TYRO3: variants seen among roughly 807,000 people sequenced by gnomAD.
The protein encoded by TYRO3 is tyrosine-protein kinase receptor TYRO3.
A neutral mutation model predicts 95.2 loss-of-function variants in TYRO3; 38 were observed. The ratio of observed to expected loss-of-function variants is 0.40; its 90% CI spans 0.31 to 0.52. TYRO3 has a LOEUF of 0.52. Ranked by LOEUF, TYRO3 falls within the 20% of genes least tolerant of loss-of-function variation. The pLI, the probability that TYRO3 is intolerant of heterozygous loss-of-function variation, is 0.56. For missense variants in TYRO3, 812 were observed against 1,116.4 expected, an observed-to-expected ratio of 0.73 and a Z score of 3.89; for synonymous variants, 367 against 432.9, an observed-to-expected ratio of 0.85 and a Z score of 1.89.
At chr15:41,569,626 G>A (rs755394973) in intron 9 of TYRO3, among the ~76,000 whole-genome samples, 27 of 151,528 alleles carry the variant, frequency 1.8e-4, no homozygotes, top group Non-Finnish European at 3.2e-4. Context: ...AATTAGTCAG[G>A]TGTGATGTTG....
intron 8 of TYRO3, among the ~76,000 whole-genome samples, 174 bp from the exon 9 acceptor site, chr15:41,568,704 T>C (rs750515152): frequency 3.3e-5 from 5 of 152,130 alleles, no homozygotes; most frequent in Non-Finnish European, 7.4e-5. Flanking sequence ...GAGAGGCCCC[T>C]GCAGCCGGGA....
rs769504685 is a variant in TYRO3 at position 41,572,538 on chromosome 15, G to A, written c.1849G>A (p.Ala617Thr). 1.8e-5 allele frequency: 29 copies of A among 1,614,086 alleles called. No individual in the cohort carries two copies. The highest frequency in any genetic ancestry group is 9.3e-5 in the African/African-American group (7 of 74,930). Residue 617 changes from alanine (A) to threonine (T), a missense_variant, in exon 15 of 19, where the codon GCC becomes ACC. Physicochemically the swap from Ala to Thr is moderately conservative, Grantham distance 58. Transcript: ENST00000263798. ...KHGDLHAFLL[A>T]SRIGENPFNL... ...TGGGGACCTGCATGCCTTCCTGCTC[G>A]CCTCCCGGATTGGGGAGAACCCCTT...
intron 14 of TYRO3, among the ~76,000 whole-genome samples, chr15:41,572,177 C>T (rs2055805083): frequency 6.6e-6 from 1 of 152,028 alleles, no homozygotes; most frequent in Admixed American, 6.6e-5. Context: ...GCCTAGATGA[C>T]AGAGCAAGAT....
Position 41,572,544 on chromosome 15 carries a change from C to T in TYRO3, c.1855C>T (p.Arg619Trp), listed in dbSNP as rs774870018. ...CCTGCATGCCTTCCTGCTCGCCTCCCGGATTGGGGAGAACCCCTTTGTGAG... is the reference window on the plus strand; with the variant it reads ...CCTGCATGCCTTCCTGCTCGCCTCCTGGATTGGGGAGAACCCCTTTGTGAG... ...GDLHAFLLAS[R>W]IGENPFNLPL... is the part of the protein sequence containing the mutation. Residue 619 changes from arginine (R) to tryptophan (W), a missense_variant, in exon 15 of 19, where the codon CGG (arginine) becomes TGG (tryptophan). By Grantham distance (101) the Arg-to-Trp change is moderately radical. Transcript: ENST00000263798. The T allele has an allele frequency of 7.4e-6, 12 of 1,614,212 alleles. No homozygotes were observed. The highest frequency in any genetic ancestry group is 4.0e-5 in the African/African-American group (3 of 75,060).
At chr15:41,575,296 C>T (rs1334619129) in intron 18 of TYRO3, among the ~76,000 whole-genome samples, 2 of 152,222 alleles carry the variant, frequency 1.3e-5, no homozygotes, top group Non-Finnish European at 2.9e-5. Flanking sequence ...CAGGGCATGG[C>T]AAGGGGCAGG....
Position 41,578,397 on chromosome 15 carries a change from C to T in TYRO3, c.*121C>T. The T allele has an allele frequency of 6.1e-6, 8 of 1,316,948 alleles. No homozygotes were observed. The highest frequency in any genetic ancestry group is 1.4e-5 in the South Asian group (1 of 69,642). The allele number at this position is 1,316,948 out of a possible 1,614,324, so 81.6% of individuals were successfully genotyped here. A position where few individuals can be genotyped will look rare whatever the true frequency, so the allele number is the denominator to read the frequency against. On this transcript the variant is annotated 3_prime_UTR_variant, in exon 19 of 19. Coordinates refer to ENST00000263798, the MANE Select transcript of TYRO3 (RefSeq NM_006293.4). Reference sequence around the variant, plus strand: ...TGTGGAGGCTCCTGTGGTAGTCCTCCCAAGCTGTGCTGGGAAGCCCGGACT... The same window carrying T: ...TGTGGAGGCTCCTGTGGTAGTCCTCTCAAGCTGTGCTGGGAAGCCCGGACT...
chr15:41,566,256 T>A (rs896742878), intron 6 of TYRO3, among the ~76,000 whole-genome samples: 3 of 138,354 alleles, frequency 2.2e-5, no homozygotes, highest in Non-Finnish European at 4.5e-5. Context: ...AAGCCTGCGG[T>A]GAGCCGAGAT....
At chr15:41,560,894 C>T (rs2055643957) in intron 1 of TYRO3, among the ~76,000 whole-genome samples, 1 of 152,186 alleles carries the variant, frequency 6.6e-6, no homozygotes, top group Non-Finnish European at 1.5e-5. Context: ...AGAAGGAGGA[C>T]ATGGGGAAGA....
At chr15:41,561,468 A>G (rs752218231) in intron 2 of TYRO3, 71 bp from the exon 3 acceptor site, 59 of 1,337,892 alleles carry the variant, frequency 4.4e-5, no homozygotes, top group Non-Finnish European at 5.5e-5. Context: ...GGCAGGCTGA[A>G]CTCATCAAGT....
chr15:41,570,489 C>G, intron 11 of TYRO3, 115 bp from the exon 12 acceptor site: 1 of 1,366,428 alleles, frequency 7.3e-7, no homozygotes, highest in Non-Finnish European at 1.0e-6. Context: ...ACCACCCCAG[C>G]CGTGGGAGAC....
Position 41,578,305 on chromosome 15 carries a change from T to C in TYRO3, c.*29T>C, listed in dbSNP as rs1327378410. 6.2e-7 allele frequency: 1 copy of C among 1,612,188 alleles called. No individual in the cohort carries two copies. The highest frequency in any genetic ancestry group is 8.5e-7 in the Non-Finnish European group (1 of 1,179,600). ...ACAGGCAGAGGGCATCGGGGCCATT[T>C]GGCCGGCTCTGGTGGCCACTGAGCT... On this transcript the variant is annotated 3_prime_UTR_variant, in exon 19 of 19. Transcript: ENST00000263798.
Position 41,567,545 on chromosome 15 carries a change from A to T in TYRO3, c.961+8A>T, listed in dbSNP as rs2055739675. 3 of 1,422,244 alleles carry T rather than the reference A, an allele frequency of 2.1e-6. No homozygotes were observed. Among genetic ancestry groups the T allele is most frequent in the Non-Finnish European group, 1.9e-6 (2 of 1,059,314 alleles). The allele number at this position is 1,422,244 out of a possible 1,614,324, so 88.1% of individuals were successfully genotyped here. A position where few individuals can be genotyped will look rare whatever the true frequency, so the allele number is the denominator to read the frequency against. On this transcript the variant is annotated splice_region_variant and intron_variant, in intron 7 of 18. Transcript: ENST00000263798. ...TTCAGACCAAGGGTCTAGGTAAGGGATGCATAGAGCAGAGCGGGTGGGCAG... is the reference window on the plus strand; with the variant it reads ...TTCAGACCAAGGGTCTAGGTAAGGGTTGCATAGAGCAGAGCGGGTGGGCAG...
Position 41,578,327 on chromosome 15 carries a change from A to G in TYRO3, c.*51A>G. ...ATTTGGCCGGCTCTGGTGGCCACTG[A>G]GCTGGCTGACTAAGCCCCGTCTGAC... is the stretch of plus-strand genomic sequence containing the variant. On this transcript the variant is annotated 3_prime_UTR_variant, in exon 19 of 19. Coordinates refer to ENST00000263798, the MANE Select transcript of TYRO3 (RefSeq NM_006293.4). 6.2e-7 allele frequency: 1 copy of G among 1,607,736 alleles called. No homozygotes were observed. The highest frequency in any genetic ancestry group is 8.5e-7 in the Non-Finnish European group (1 of 1,177,146).
intron 4 of TYRO3, among the ~76,000 whole-genome samples, chr15:41,563,709 T>C (rs1458678124): frequency 6.6e-6 from 1 of 152,080 alleles, no homozygotes; most frequent in African/African-American, 2.4e-5. Context: ...GCTAAAGAAC[T>C]GAGTATAACT....
rs540277049 is a variant in TYRO3 at position 41,577,749 on chromosome 15, G to A, written c.2283-137G>A. 4.3e-4 allele frequency: 384 copies of A among 884,538 alleles called. 6 individuals are homozygous for A. The South Asian group carries it at 6.4e-3, about 15-fold the overall frequency. 54.8% of individuals were successfully genotyped at this position (884,538 alleles called of 1,614,324 possible). A position where few individuals can be genotyped will look rare whatever the true frequency, so the allele number is the denominator to read the frequency against. On this transcript the variant is annotated intron_variant, in intron 18 of 18. Transcript: ENST00000263798. ...TAATACCCCCCTTCGGCCTCCCAAA[G>A]TGTTGAGATTACAGATGCGAGCCGC...
chr15:41,570,318 G>A lies in TYRO3; in HGVS notation c.1461G>A (p.Arg487=). The change falls in exon 11 of 19, where the codon AGG becomes AGA. Residue 487 remains arginine (R), a synonymous_variant. Coordinates refer to ENST00000263798, the MANE Select transcript of TYRO3 (RefSeq NM_006293.4). ...CAGCCCGGTCCTTCAATCGAGAAAG[G>A]CCCGAGCGCATCGAGGCCACATGTG... is the stretch of plus-strand genomic sequence containing the variant. The part of the protein sequence containing the change: ...FRAARSFNRE[R]PERIEATLDS... 1 of 1,614,104 alleles carries A rather than the reference G, an allele frequency of 6.2e-7. No homozygotes were observed. The highest frequency in any genetic ancestry group is 1.1e-5 in the South Asian group (1 of 91,088).
intron 5 of TYRO3, 67 bp from the exon 6 acceptor site, chr15:41,564,959 C>A: frequency 9.3e-7 from 1 of 1,070,550 alleles, no homozygotes; most frequent in Non-Finnish European, 1.4e-6. Flanking sequence ...CAAGGCTTGA[C>A]TCCCATGCCT....
intron 3 of TYRO3, chr15:41,561,862 T>C (rs1595498909): frequency 4.6e-6 from 2 of 431,106 alleles, no homozygotes; most frequent in Non-Finnish European, 8.4e-6. Flanking sequence ...ACCTGTGGGG[T>C]GCAGTCTGTT....
Position 41,573,441 on chromosome 15 carries a change from A to T in TYRO3, c.2119A>T (p.Asn707Tyr), listed in dbSNP as rs2055824137. 5.0e-6 allele frequency: 8 copies of T among 1,614,246 alleles called. No homozygotes were observed. The East Asian group carries it at 1.8e-4, about 36-fold the overall frequency. The change falls in exon 17 of 19, where the codon AAC becomes TAC. Residue 707 changes from asparagine (N) to tyrosine (Y), a missense_variant. Coordinates refer to ENST00000263798, the MANE Select transcript of TYRO3 (RefSeq NM_006293.4). ...GCTGGCCCTGGAGAGCCTGGCCGACAACCTGTATACTGTGCAGAGTGACGT... is the reference window on the plus strand; with the variant it reads ...GCTGGCCCTGGAGAGCCTGGCCGACTACCTGTATACTGTGCAGAGTGACGT... The part of the protein sequence containing the change: ...KWLALESLAD[N>Y]LYTVQSDVWA...
Sources: allele counts gnomAD v4.1 joint callset (sites outside exome capture counted in the v4.1 genomes callset), GRCh38; gene constraint gnomAD v4.1.1; transcripts MANE v1.5; gene names NCBI Gene and HGNC (gene_info 2026-07-23, HGNC 2026-07-21).